Variants in DGKB observed in about 807,000 individuals in gnomAD.
DGKB encodes the protein 90 kDa diacylglycerol kinase.
A neutral mutation model predicts 114.3 loss-of-function variants in DGKB; 67 were observed. The ratio of observed to expected loss-of-function variants is 0.59; its 90% CI spans 0.48 to 0.72. The LOEUF is 0.72. Among genes scored for constraint, DGKB ranks in the 30% least tolerant of loss-of-function variants. DGKB has a pLI of 0.00. For missense variants in DGKB, 907 were observed against 975.2 expected (o/e 0.93, Z 0.93); for synonymous variants, 398 against 323.1 (o/e 1.23, Z -2.49).
chr7:14,697,394 G>T (rs1824134056), intron 8 of DGKB, among the ~76,000 whole-genome samples: 1 of 152,064 alleles, frequency 6.6e-6, no homozygotes. Flanking sequence ...ACTGTGCATG[G>T]AAAACTACCA....
intron 1 of DGKB, among the ~76,000 whole-genome samples, chr7:14,851,439 G>T (rs573208680): frequency 3.3e-5 from 5 of 152,048 alleles, no homozygotes; most frequent in African/African-American, 7.2e-5. Context: ...AGACTGGCAG[G>T]TTAGGTGAAA....
Position 14,793,382 on chromosome 7 carries a change from C to T in DGKB, c.71-35651G>A, listed in dbSNP as rs189569151. 9.2e-5 allele frequency among the ~76,000 whole-genome samples: 14 copies of T among 152,164 alleles called. 1 individual carries two copies. Among genetic ancestry groups the T allele is most frequent in the South Asian group, 6.2e-4 (3 of 4,824 alleles). On this transcript the variant is annotated intron_variant, in intron 2 of 25. Coordinates refer to ENST00000402815, the MANE Select transcript of DGKB (RefSeq NM_001350709.2). ...GAAAACATTCCTGTCTTTTCCCCTACGCATCTCAGTTAGGACACTCTAAAT... is the reference window on the plus strand; with the variant it reads ...GAAAACATTCCTGTCTTTTCCCCTATGCATCTCAGTTAGGACACTCTAAAT...
intron 21 of DGKB, among the ~76,000 whole-genome samples, chr7:14,367,264 A>C (rs1236507244): frequency 1.3e-5 from 2 of 152,056 alleles, no homozygotes; most frequent in Non-Finnish European, 2.9e-5. Context: ...TCCTCACCCA[A>C]ATCTCATCTT....
chr7:14,449,523 A>G (rs1831178770), intron 21 of DGKB, among the ~76,000 whole-genome samples: 1 of 152,018 alleles, frequency 6.6e-6, no homozygotes. Context: ...CATGCAGGCC[A>G]CCTTGCTCTT....
chr7:14,913,001 T>G (rs1408130467), intron 1 of DGKB, among the ~76,000 whole-genome samples: 2 of 152,164 alleles, frequency 1.3e-5, no homozygotes, highest in African/African-American at 4.8e-5. Flanking sequence ...TGCCCCACTT[T>G]GTTCAACTTT....
chr7:14,621,549 A>G, intron 14 of DGKB, 55 bp from the exon 15 acceptor site: 1 of 1,095,840 alleles, frequency 9.1e-7, no homozygotes, highest in Non-Finnish European at 1.3e-6. Flanking sequence ...ACATAATAAA[A>G]TGTTAAGTTG....
intron 23 of DGKB, among the ~76,000 whole-genome samples, chr7:14,257,514 T>C (rs35198760): frequency 0.46 from 70,387 of 151,864 alleles, 18,339 homozygotes; most frequent in Non-Finnish European, 0.59. Flanking sequence ...GGGAGGCACA[T>C]GGTGGGAGGT....
intron 9 of DGKB, among the ~76,000 whole-genome samples, chr7:14,691,417 G>T (rs193293668): frequency 6.6e-6 from 1 of 152,142 alleles, no homozygotes; most frequent in African/African-American, 2.4e-5. Flanking sequence ...AATAAGCAAA[G>T]GTGAGGGGAT....
chr7:14,435,619 C>T (rs1339641495), intron 21 of DGKB, among the ~76,000 whole-genome samples: 1 of 152,136 alleles, frequency 6.6e-6, no homozygotes, highest in East Asian at 1.9e-4. Context: ...CCTGAAAAAG[C>T]TCCCAACATT....
At chr7:14,907,493 G>A (rs1440811500), upstream of DGKB, among the ~76,000 whole-genome samples, 1 of 152,208 alleles carries the variant, frequency 6.6e-6, no homozygotes, top group East Asian at 1.9e-4. Context: ...TGTGTCATGT[G>A]TGAAGCACAT....
chr7:14,278,685 G>C (rs1799397653), intron 23 of DGKB, among the ~76,000 whole-genome samples: 1 of 152,006 alleles, frequency 6.6e-6, no homozygotes, highest in African/African-American at 2.4e-5. Flanking sequence ...AAATAACAGA[G>C]GGAAAGGACA....
chr7:14,898,066 G>A (rs1382976342), intron 1 of DGKB, among the ~76,000 whole-genome samples: 3 of 151,956 alleles, frequency 2.0e-5, no homozygotes, highest in Non-Finnish European at 2.9e-5. Flanking sequence ...GCAAGCACAA[G>A]TTTCAGTGGA....
rs1007538880 is a variant in DGKB at position 14,145,800 on chromosome 7, C to T, written c.*3331G>A. ...CCAATGAACAACAAACTAACGTTGA[C>T]ACAAAAAGGAAAAGAATGATCTCAA... On this transcript the variant is annotated 3_prime_UTR_variant, in exon 26 of 26. Transcript: ENST00000402815. The T allele has an allele frequency of 2.6e-5, 4 of 152,092 alleles. No individual in the cohort carries two copies. The highest frequency in any genetic ancestry group is 4.8e-5 in the African/African-American group (2 of 41,414). The allele number at this position is 152,092 out of a possible 1,614,324, so 9.4% of individuals were successfully genotyped here.
At chr7:14,174,819 A>G (rs376410539) in intron 25 of DGKB, among the ~76,000 whole-genome samples, 5 of 152,278 alleles carry the variant, frequency 3.3e-5, no homozygotes, top group African/African-American at 7.2e-5. Context: ...TAAAAACAAC[A>G]TTTTTAACAT....
intron 20 of DGKB, among the ~76,000 whole-genome samples, chr7:14,501,001 A>G (rs1786083306): frequency 6.6e-6 from 1 of 151,932 alleles, no homozygotes; most frequent in Admixed American, 6.6e-5. Flanking sequence ...TTAAAGTTTT[A>G]AGGCAAAATT....
chr7:14,639,656 A>G (rs2128870838), intron 13 of DGKB, among the ~76,000 whole-genome samples: 1 of 152,368 alleles, frequency 6.6e-6, no homozygotes, highest in Middle Eastern at 3.4e-3. Context: ...AAAGCCCTAA[A>G]GGTACGGGCC....
chr7:14,535,419 A>G (rs1440624223), intron 20 of DGKB, among the ~76,000 whole-genome samples: 5 of 151,770 alleles, frequency 3.3e-5, no homozygotes, highest in African/African-American at 4.8e-5. Context: ...AAAATTAAAA[A>G]GAAGAAGTAT....
intron 23 of DGKB, among the ~76,000 whole-genome samples, chr7:14,249,558 T>C (rs1794936209): frequency 6.6e-6 from 1 of 152,178 alleles, no homozygotes; most frequent in South Asian, 2.1e-4. Flanking sequence ...CTTTATCATT[T>C]AGTTTTGGTA....
chr7:14,565,168 T>C (rs1797212337), intron 20 of DGKB, among the ~76,000 whole-genome samples: 1 of 152,134 alleles, frequency 6.6e-6, no homozygotes, highest in African/African-American at 2.4e-5. Context: ...CATTGGGCTT[T>C]ACCCTCTTTT....
Sources: gnomAD v4.1 joint callset for allele counts (sites outside exome capture counted in the v4.1 genomes callset) on GRCh38, gnomAD v4.1.1 for gene constraint, MANE v1.5 for transcripts, NCBI Gene and HGNC (gene_info 2026-07-23, HGNC 2026-07-21) for gene names.